The following MAPKAP1 variants were observed in gnomAD, a reference collection of about 807,000 sequenced individuals.
MAPKAP1 encodes the protein target of rapamycin complex 2 subunit MAPKAP1.
In MAPKAP1, 20 loss-of-function variants were observed where a neutral mutation model predicts 65.7. The observed-to-expected ratio is 0.30, with a 90% confidence interval of 0.21 to 0.44. The LOEUF (loss-of-function observed/expected upper bound fraction) is 0.44, where lower values mean the gene tolerates loss of function less well. Among genes scored for constraint, MAPKAP1 ranks in the 20% least tolerant of loss-of-function variants. The pLI is 1.00. For synonymous variants in MAPKAP1, 222 were observed against 244.3 expected (o/e 0.91, Z 0.85); for missense variants, 423 against 648.0 (o/e 0.65, Z 3.77).
At position 125,596,119 on chromosome 9, in the gene MAPKAP1, C is replaced by A. The variant is rs926558385; in HGVS notation, c.499-10392G>T. On this transcript the variant is annotated intron_variant, in intron 4 of 11. Coordinates refer to ENST00000265960, the MANE Select transcript of MAPKAP1 (RefSeq NM_001006617.3). ...AAGAAAAGGGGACTTGCCTTTGTAA[C>A]CTTTGATGGCCACGACTCCGTGGAT... is the stretch of plus-strand genomic sequence containing the variant. The A allele has an allele frequency of 3.7e-6, 3 of 809,174 alleles. No individual in the cohort carries two copies. In the African/African-American group the frequency reaches 5.0e-5, roughly 13 times the overall value. 50.1% of individuals were successfully genotyped at this position (809,174 alleles called of 1,614,324 possible).
intron 7 of MAPKAP1, among the ~76,000 whole-genome samples, chr9:125,517,952 G>A (rs778871210): frequency 1.1e-4 from 17 of 148,098 alleles, no homozygotes; most frequent in Non-Finnish European, 1.9e-4. Context: ...TTTGAAGACG[G>A]GGTGGGAGGC....
At chr9:125,528,761 C>T (rs993536936) in intron 7 of MAPKAP1, among the ~76,000 whole-genome samples, 6 of 145,362 alleles carry the variant, frequency 4.1e-5, no homozygotes, top group African/African-American at 1.3e-4. Context: ...GCAGGAGAAT[C>T]GCCTGAACTC....
intron 9 of MAPKAP1, among the ~76,000 whole-genome samples, chr9:125,469,438 T>G (rs1248293796): frequency 2.0e-5 from 3 of 152,100 alleles, no homozygotes; most frequent in African/African-American, 7.2e-5. Flanking sequence ...AAAATCCTAC[T>G]GATTAGGTCT....
At chr9:125,460,042 T>C (rs535113975) in intron 10 of MAPKAP1, among the ~76,000 whole-genome samples, 7 of 151,838 alleles carry the variant, frequency 4.6e-5, no homozygotes, top group Admixed American at 1.3e-4. Context: ...TTATCCCCCA[T>C]CATTTATCCA....
intron 4 of MAPKAP1, among the ~76,000 whole-genome samples, chr9:125,649,102 C>G (rs906722918): frequency 5.3e-5 from 8 of 152,266 alleles, no homozygotes; most frequent in East Asian, 3.9e-4. Flanking sequence ...AAGACAATCT[C>G]TCTACTGCAA....
chr9:125,661,047 C>T (rs978061020), intron 3 of MAPKAP1, among the ~76,000 whole-genome samples: 2 of 152,142 alleles, frequency 1.3e-5, no homozygotes, highest in African/African-American at 4.8e-5. Flanking sequence ...CACTGAACAA[C>T]ACACATAGAA....
intron 4 of MAPKAP1, chr9:125,596,339 TG>T: frequency 1.3e-6 from 1 of 764,294 alleles, no homozygotes; most frequent in Admixed American, 1.7e-5. Context: ...TCAGTGGTTG[TG>T]GTGCCTTTGG....
At chr9:125,654,711 G>A (rs553116160) in intron 4 of MAPKAP1, among the ~76,000 whole-genome samples, 1 of 152,304 alleles carries the variant, frequency 6.6e-6, no homozygotes, top group South Asian at 2.1e-4. Flanking sequence ...CAACAGCTAA[G>A]AGATGCTCAC....
At chr9:125,481,788 C>G (rs1854325988) in intron 9 of MAPKAP1, among the ~76,000 whole-genome samples, 1 of 152,118 alleles carries the variant, frequency 6.6e-6, no homozygotes, top group African/African-American at 2.4e-5. Context: ...TGGGCAAGTA[C>G]TGCAGCTAAA....
intron 11 of MAPKAP1, among the ~76,000 whole-genome samples, chr9:125,440,963 A>C (rs1028031273): frequency 6.6e-6 from 1 of 152,242 alleles, no homozygotes; most frequent in Non-Finnish European, 1.5e-5. Flanking sequence ...ACTATTTCCC[A>C]AATTTATTAT....
At chr9:125,553,263 C>T (rs541984579) in intron 6 of MAPKAP1, among the ~76,000 whole-genome samples, 1 of 152,106 alleles carries the variant, frequency 6.6e-6, no homozygotes, top group East Asian at 1.9e-4. Flanking sequence ...TTAGGCTGGG[C>T]GCGGTGGCTC....
intron 4 of MAPKAP1, chr9:125,652,277 C>T: frequency 8.3e-7 from 1 of 1,207,628 alleles, no homozygotes; most frequent in Non-Finnish European, 1.1e-6. Flanking sequence ...GAGCAGCATG[C>T]AAAAATGTAT....
intron 4 of MAPKAP1, among the ~76,000 whole-genome samples, chr9:125,618,798 A>C (rs957511284): frequency 1.3e-5 from 2 of 152,200 alleles, no homozygotes; most frequent in Non-Finnish European, 2.9e-5. Flanking sequence ...GAATTCAAAG[A>C]CATTTTCATC....
At chr9:125,506,239 T>C in intron 8 of MAPKAP1, 71 bp downstream of exon 8, 1 of 1,356,166 alleles carries the variant, frequency 7.4e-7, no homozygotes, top group Non-Finnish European at 1.1e-6. Flanking sequence ...CCAGTGAGCG[T>C]TTCCAAACAC....
intron 3 of MAPKAP1, among the ~76,000 whole-genome samples, chr9:125,667,309 T>C (rs1834367150): frequency 6.6e-6 from 1 of 152,172 alleles, no homozygotes; most frequent in South Asian, 2.1e-4. Flanking sequence ...CTATATTTGA[T>C]GTACTCTATT....
At chr9:125,703,138 G>T (rs1311928876) in intron 1 of MAPKAP1, among the ~76,000 whole-genome samples, 3 of 152,176 alleles carry the variant, frequency 2.0e-5, no homozygotes, top group Admixed American at 6.6e-5. Context: ...CAAGCAAGTG[G>T]AGCTGAGCAG....
intron 4 of MAPKAP1, among the ~76,000 whole-genome samples, chr9:125,588,384 T>C (rs1049307804): frequency 6.6e-6 from 1 of 152,162 alleles, no homozygotes; most frequent in Admixed American, 6.5e-5. Flanking sequence ...AGATTAGCGG[T>C]TGGCAGAAGA....
At chr9:125,699,593 T>C (rs1835535533) in intron 1 of MAPKAP1, among the ~76,000 whole-genome samples, 1 of 152,080 alleles carries the variant, frequency 6.6e-6, no homozygotes, top group Admixed American at 6.6e-5. Flanking sequence ...TGTGGCATCA[T>C]GTCAGTTCGA....
intron 7 of MAPKAP1, among the ~76,000 whole-genome samples, chr9:125,525,397 G>T (rs1257104338): frequency 6.6e-6 from 1 of 152,172 alleles, no homozygotes; most frequent in Admixed American, 6.5e-5. Context: ...CAGGAGGCCG[G>T]GCGCGGTGGC....
Sources: gnomAD v4.1 joint callset for allele counts (sites outside exome capture counted in the v4.1 genomes callset) on GRCh38, gnomAD v4.1.1 for gene constraint, MANE v1.5 for transcripts, NCBI Gene and HGNC (gene_info 2026-07-23, HGNC 2026-07-21) for gene names.